MARCHF4: variants seen among roughly 807,000 people sequenced by gnomAD.
MARCHF4 encodes E3 ubiquitin-protein ligase MARCHF4.
In MARCHF4, 14 loss-of-function variants were observed where a neutral mutation model predicts 43.9. The observed-to-expected ratio is 0.32, with a 90% CI of 0.21 to 0.50. MARCHF4 has a LOEUF of 0.50. MARCHF4 is among the 20% of genes least tolerant of loss of function. MARCHF4 has a pLI of 0.98. For synonymous variants in MARCHF4, 226 were observed against 213.3 expected, an observed-to-expected ratio of 1.06 and a Z score of -0.52; for missense variants, 468 against 536.7, an observed-to-expected ratio of 0.87 and a Z score of 1.27.
chr2:216,362,819 G>A (rs534695023), intron 1 of MARCHF4, among the ~76,000 whole-genome samples: 1 of 152,330 alleles, frequency 6.6e-6, no homozygotes, highest in African/African-American at 2.4e-5. Context: ...GGTATCAAAT[G>A]TGTACTATAT....
At chr2:216,274,439 C>T (rs1237256038) in intron 3 of MARCHF4, among the ~76,000 whole-genome samples, 1 of 152,170 alleles carries the variant, frequency 6.6e-6, no homozygotes, top group East Asian at 1.9e-4. Context: ...GATTCTCCCT[C>T]CAGAGAGCCC....
At chr2:216,269,528 G>T (rs941165264) in intron 3 of MARCHF4, among the ~76,000 whole-genome samples, 11 of 152,198 alleles carry the variant, frequency 7.2e-5, no homozygotes, top group African/African-American at 2.4e-4. Flanking sequence ...GAGGACACAG[G>T]TTCAGGCGAT....
chr2:216,356,758 C>T (rs1692509146), intron 1 of MARCHF4, among the ~76,000 whole-genome samples: 1 of 152,168 alleles, frequency 6.6e-6, no homozygotes, highest in Admixed American at 6.5e-5. Flanking sequence ...CGTAGTGGCT[C>T]ACTTCTGTAA....
chr2:216,260,052 T>C (rs1482160204), intron 3 of MARCHF4, among the ~76,000 whole-genome samples: 2 of 152,266 alleles, frequency 1.3e-5, no homozygotes, highest in Non-Finnish European at 2.9e-5. Context: ...AATTGTGTGC[T>C]TTTAAAGCAC....
In MARCHF4 at chr2:216,370,072, G is replaced by A. The variant is rs2105989331; in HGVS notation, c.189C>T (p.Pro63=). 1.3e-6 allele frequency: 2 copies of A among 1,574,190 alleles called. No homozygotes were observed. The highest frequency in any genetic ancestry group is 2.3e-5 in the East Asian group (1 of 42,906). Residue 63 remains proline, a synonymous_variant, in exon 1 of 4, where the codon CCC becomes CCT. Coordinates refer to ENST00000273067, the MANE Select transcript of MARCHF4 (RefSeq NM_020814.3). ...CGGGGGGCTGGGGGTCGCCGTGCATGGGCAGGGGCGCTTGAGGAGGGCGCC... is the reference window on the plus strand; with the variant it reads ...CGGGGGGCTGGGGGTCGCCGTGCATAGGCAGGGGCGCTTGAGGAGGGCGCC... ...LLRRPPQAPL[P]MHGDPQPPGL... is the part of the protein sequence containing the mutation.
chr2:216,370,111 C>CTTCA lies in MARCHF4; in HGVS notation c.146_149dup (p.Lys50AsnfsTer70). On this transcript the variant is annotated frameshift_variant, in exon 1 of 4. Coordinates refer to ENST00000273067, the MANE Select transcript of MARCHF4 (RefSeq NM_020814.3). LOFTEE classifies it high-confidence loss of function. ...GAGGAGGGCGCCGCAGTAAGAAAAC[C>CTTCA]TTCAGGTCATTGAAGAGCATGCGGC... 6.3e-7 allele frequency: 1 copy of CTTCA among 1,599,788 alleles called. No homozygotes were observed. Among genetic ancestry groups the CTTCA allele is most frequent in the Non-Finnish European group, 8.5e-7 (1 of 1,173,616 alleles).
At chr2:216,332,857 T>C (rs1412708261) in intron 1 of MARCHF4, among the ~76,000 whole-genome samples, 1 of 152,206 alleles carries the variant, frequency 6.6e-6, no homozygotes, top group African/African-American at 2.4e-5. Flanking sequence ...TAGATCCACA[T>C]ACACGGATAC....
chr2:216,304,065 G>T (rs2105951474), intron 1 of MARCHF4, among the ~76,000 whole-genome samples: 1 of 152,266 alleles, frequency 6.6e-6, no homozygotes, highest in South Asian at 2.1e-4. Context: ...CACAACAGAG[G>T]GTGAGACATG....
At chr2:216,336,876 G>T (rs1373605343) in intron 1 of MARCHF4, among the ~76,000 whole-genome samples, 5 of 151,482 alleles carry the variant, frequency 3.3e-5, no homozygotes, top group Non-Finnish European at 7.4e-5. Flanking sequence ...AACAGTCCAG[G>T]CACAGTGGCT....
chr2:216,315,947 C>T (rs1354158650), intron 1 of MARCHF4, among the ~76,000 whole-genome samples: 4 of 152,194 alleles, frequency 2.6e-5, no homozygotes, highest in African/African-American at 9.7e-5. Context: ...GTCTGATCTG[C>T]ATCACTGGAG....
intron 1 of MARCHF4, among the ~76,000 whole-genome samples, chr2:216,301,511 C>T (rs78410118): frequency 0.05 from 7,562 of 152,268 alleles, 610 homozygotes; most frequent in African/African-American, 0.17. Context: ...ATTTGTCCAT[C>T]TGTATGGTTT....
At chr2:216,338,726 C>A (rs1171731600) in intron 1 of MARCHF4, among the ~76,000 whole-genome samples, 1 of 152,110 alleles carries the variant, frequency 6.6e-6, no homozygotes, top group Non-Finnish European at 1.5e-5. Context: ...CAGATCCTGA[C>A]CCATATAGTC....
intron 2 of MARCHF4, among the ~76,000 whole-genome samples, chr2:216,279,484 AT>A (rs1179348576): frequency 7.2e-5 from 11 of 152,212 alleles, no homozygotes; most frequent in African/African-American, 2.7e-4. Context: ...GGGGGAGGAC[AT>A]CTTTTGACTG....
At chr2:216,354,240 A>G (rs759915911) in intron 1 of MARCHF4, among the ~76,000 whole-genome samples, 1 of 152,216 alleles carries the variant, frequency 6.6e-6, no homozygotes, top group Non-Finnish European at 1.5e-5. Context: ...GGTGAGAGAG[A>G]GACAGGATTA....
At chr2:216,279,978 C>A (rs566989775) in intron 2 of MARCHF4, among the ~76,000 whole-genome samples, 1 of 152,130 alleles carries the variant, frequency 6.6e-6, no homozygotes, top group Non-Finnish European at 1.5e-5. Context: ...TTCAAAAATG[C>A]CAAATATAGA....
chr2:216,276,802 C>T (rs919564295), intron 3 of MARCHF4, among the ~76,000 whole-genome samples: 1 of 152,130 alleles, frequency 6.6e-6, no homozygotes, highest in Non-Finnish European at 1.5e-5. Flanking sequence ...TCCCCACCTC[C>T]TTAGCTGCTT....
intron 1 of MARCHF4, among the ~76,000 whole-genome samples, chr2:216,366,815 T>A (rs1206641727): frequency 6.6e-6 from 1 of 152,208 alleles, no homozygotes; most frequent in East Asian, 1.9e-4. Flanking sequence ...TACTTGTCTA[T>A]TTATGTGTCT....
intron 1 of MARCHF4, among the ~76,000 whole-genome samples, chr2:216,319,791 C>T (rs1361714999): frequency 1.3e-5 from 2 of 152,192 alleles, no homozygotes; most frequent in Non-Finnish European, 2.9e-5. Flanking sequence ...CAGCCCGTCA[C>T]TCAAACTGCC....
intron 2 of MARCHF4, among the ~76,000 whole-genome samples, chr2:216,279,263 A>G (rs532961186): frequency 3.3e-5 from 5 of 152,340 alleles, no homozygotes; most frequent in African/African-American, 7.2e-5. Flanking sequence ...AGAAGAAAGC[A>G]TGGGAAGGAT....
Sources: gnomAD v4.1 joint callset for allele counts (sites outside exome capture counted in the v4.1 genomes callset) on GRCh38, gnomAD v4.1.1 for gene constraint, MANE v1.5 for transcripts, NCBI Gene and HGNC (gene_info 2026-07-23, HGNC 2026-07-21) for gene names.